Variants in CAST observed in about 807,000 individuals in gnomAD.
The protein encoded by CAST is MIR583 host.
A neutral mutation model predicts 119.6 loss-of-function variants in CAST; 76 were observed. The ratio of observed to expected loss-of-function variants is 0.64; its 90% CI spans 0.53 to 0.77. CAST has a LOEUF of 0.77. Among genes scored for constraint, CAST ranks in the 30% least tolerant of loss-of-function variants. The pLI is 0.00. For missense variants in CAST, 953 were observed against 946.5 expected (o/e 1.01, Z -0.09); for synonymous variants, 319 against 331.6 (o/e 0.96, Z 0.41).
the CAST span, chr5:96,392,684 A>T: frequency 3.8e-6 from 1 of 260,678 alleles, no homozygotes. Flanking sequence ...TCTTTTGAGA[A>T]TTGAAATGGG....
At chr5:96,107,919 A>C in the CAST span, among the ~76,000 whole-genome samples, 1 of 151,640 alleles carries the variant, frequency 6.6e-6, no homozygotes, top group Non-Finnish European at 1.5e-5. Flanking sequence ...GGCTTTGTTC[A>C]TTTCTTTTTA....
the CAST span, among the ~76,000 whole-genome samples, chr5:96,346,995 GTCT>G: frequency 6.6e-6 from 1 of 152,244 alleles, no homozygotes; most frequent in South Asian, 2.1e-4. Context: ...ACTAAATGGT[GTCT>G]TCTTGAGAGA....
At chr5:96,225,197 G>A in the CAST span, among the ~76,000 whole-genome samples, 3 of 152,186 alleles carry the variant, frequency 2.0e-5, no homozygotes, top group African/African-American at 7.2e-5. Flanking sequence ...TATTTAATAA[G>A]TATTTATTGA....
At chr5:96,100,706 C>T in the CAST span, among the ~76,000 whole-genome samples, 1 of 151,974 alleles carries the variant, frequency 6.6e-6, no homozygotes, top group Non-Finnish European at 1.5e-5. Flanking sequence ...TATAGTAATC[C>T]CTCAGTATCT....
intron 1 of CAST, among the ~76,000 whole-genome samples, chr5:96,540,394 T>C (rs1396593238): frequency 6.6e-6 from 1 of 152,074 alleles, no homozygotes; most frequent in East Asian, 1.9e-4. Context: ...TCTGAAACAG[T>C]ATTTATTTTA....
chr5:96,321,887 G>T, the CAST span, among the ~76,000 whole-genome samples: 1 of 152,202 alleles, frequency 6.6e-6, no homozygotes, highest in East Asian at 1.9e-4. Flanking sequence ...ATAATGCCAT[G>T]CTATGGTATC....
the CAST span, among the ~76,000 whole-genome samples, chr5:96,149,266 C>T: frequency 2.6e-5 from 4 of 152,296 alleles, no homozygotes; most frequent in East Asian, 7.7e-4. Flanking sequence ...CCTCCTGGGG[C>T]TGGAGGCCGA....
the CAST span, among the ~76,000 whole-genome samples, chr5:96,168,384 A>G: frequency 1.3e-5 from 2 of 152,208 alleles, no homozygotes; most frequent in Non-Finnish European, 2.9e-5. Context: ...ACCCTTGTGT[A>G]GTGAGGAAAC....
Position 96,635,015 on chromosome 5 carries a change from AAAT to A in CAST, c.61-40523_61-40521del, listed in dbSNP as rs558053586. Among the ~76,000 whole-genome samples the A allele has an allele frequency of 2.3e-3, 348 of 152,362 alleles. 1 individual carries two copies. The highest frequency in any genetic ancestry group is 7.5e-3 in the African/African-American group (312 of 41,598). On this transcript the variant is annotated intron_variant, in intron 1 of 11. Transcript: ENST00000505143. ...GTGATACAGACTTACAGTATCAGAGAAATTCTCAGAAGAGTATGACTAGAGGCT... is the reference window on the plus strand; with the variant it reads ...GTGATACAGACTTACAGTATCAGAGATCTCAGAAGAGTATGACTAGAGGCT...
chr5:96,772,624 A>T lies in CAST; in HGVS notation c.*24-16A>T, dbSNP rs917240593. 2.0e-5 allele frequency: 3 copies of T among 152,702 alleles called. No homozygotes were observed. The highest frequency in any genetic ancestry group is 7.2e-5 in the African/African-American group (3 of 41,446). The allele number at this position is 152,702 out of a possible 1,614,324, so 9.5% of individuals were successfully genotyped here. ...TATTAAATGATTCACTGCATTTTTT[A>T]TTTGAAATTTTTAAGGTATCTGCAT... On this transcript the variant is annotated splice_polypyrimidine_tract_variant and intron_variant, in intron 31 of 31. Coordinates refer to ENST00000675179, the MANE Select transcript of CAST (RefSeq NM_001750.7).
the CAST span, chr5:96,394,899 T>G: frequency 6.2e-7 from 1 of 1,614,148 alleles, no homozygotes; most frequent in Non-Finnish European, 8.5e-7. Context: ...ACCCCTCTTC[T>G]GTCATTCTGA....
At chr5:96,396,809 C>T in the CAST span, among the ~76,000 whole-genome samples, 1 of 152,092 alleles carries the variant, frequency 6.6e-6, no homozygotes, top group African/African-American at 2.4e-5. Flanking sequence ...TGTTAGTAAA[C>T]AGAATGAAAA....
chr5:96,148,635 A>G, the CAST span, among the ~76,000 whole-genome samples: 7 of 152,226 alleles, frequency 4.6e-5, no homozygotes, highest in African/African-American at 1.7e-4. Flanking sequence ...AGGCCAACAC[A>G]TCTTGTGTAA....
the CAST span, among the ~76,000 whole-genome samples, chr5:96,475,992 A>G: frequency 5.6e-4 from 86 of 152,314 alleles, no homozygotes; most frequent in African/African-American, 1.9e-3. Flanking sequence ...GTTTCCCTTC[A>G]TATACCAGGA....
the CAST span, among the ~76,000 whole-genome samples, chr5:96,040,055 TG>T: frequency 6.6e-6 from 1 of 152,184 alleles, no homozygotes; most frequent in Non-Finnish European, 1.5e-5. Flanking sequence ...CCTTGAGTAG[TG>T]GTTTGTAGTT....
In CAST at chr5:96,671,427, A is replaced by G. The variant is rs147232524; in HGVS notation, c.76-4112A>G. Among the ~76,000 whole-genome samples, 891 of 152,278 alleles carry G rather than the reference A, an allele frequency of 5.9e-3. 29 individuals carry two copies. The highest frequency in any genetic ancestry group is 0.05 in the Admixed American group (771 of 15,288). ...CATTTCAGATCACCCGCATGCTCTA[A>G]AGACTTTCTTGATGAAAATCCTAAG... On this transcript the variant is annotated intron_variant, in intron 1 of 31. Coordinates refer to ENST00000675179, the MANE Select transcript of CAST (RefSeq NM_001750.7).
chr5:96,035,334 A>G, the CAST span, among the ~76,000 whole-genome samples: 1 of 151,562 alleles, frequency 6.6e-6, no homozygotes, highest in Admixed American at 6.6e-5. Context: ...AAGGAAACAC[A>G]TCATAATCAG....
At chr5:96,735,114 A>G (rs1761355747) in intron 9 of CAST, among the ~76,000 whole-genome samples, 1 of 152,238 alleles carries the variant, frequency 6.6e-6, no homozygotes, top group Non-Finnish European at 1.5e-5. Context: ...CAGTGTTTCT[A>G]GCATTGCAAT....
the CAST span, among the ~76,000 whole-genome samples, chr5:96,502,629 TTTC>T: frequency 2.4e-4 from 19 of 77,680 alleles, no homozygotes; most frequent in Admixed American, 1.6e-3. Flanking sequence ...TCTTTCTTTC[TTTC>T]TTTCTTTCTT....
Sources: allele counts gnomAD v4.1 joint callset (sites outside exome capture counted in the v4.1 genomes callset), GRCh38; gene constraint gnomAD v4.1.1; transcripts MANE v1.5; gene names NCBI Gene and HGNC (gene_info 2026-07-23, HGNC 2026-07-21).